The following SHCBP1L variants were observed in gnomAD, a reference collection of about 807,000 sequenced individuals.
SHCBP1L encodes the protein SHC binding and spindle associated 1 like, also known as testicular spindle-associated protein SHCBP1L.
Under a neutral mutation model 62.5 loss-of-function variants are expected in SHCBP1L, and 67 were observed. That is an observed-to-expected ratio of 1.07 (90% confidence interval 0.88 to 1.31). The LOEUF (loss-of-function observed/expected upper bound fraction) is 1.31, where lower values mean the gene tolerates loss of function less well. SHCBP1L is among the 40% of genes most tolerant of loss of function. The pLI is 0.00. For missense variants in SHCBP1L, 823 were observed against 809.8 expected (o/e 1.02, Z -0.20); for synonymous variants, 284 against 289.4 (o/e 0.98, Z 0.19).
intron 6 of SHCBP1L, among the ~76,000 whole-genome samples, chr1:182,910,973 T>G (rs565069797): frequency 6.6e-6 from 1 of 152,188 alleles, no homozygotes; most frequent in South Asian, 2.1e-4. Flanking sequence ...CACTGCAGCC[T>G]CTTCCTCCCG....
Position 182,903,108 on chromosome 1 carries a change from T to G in SHCBP1L, c.1641A>C (p.Glu547Asp), listed in dbSNP as rs1346911153. ...TTCTGAGGTTATTACAGTGATGAAT[T>G]TCATTTCTTTCCAAAATAGCTATGC... ...PGSIAILERN[E>D]IHHCNNLRTS... is the part of the protein sequence containing the mutation. The change falls in exon 9 of 10, where the codon GAA becomes GAC. Residue 547 changes from glutamate to aspartate, a missense_variant. Physicochemically the swap from Glu to Asp is conservative, Grantham distance 45. Transcript: ENST00000367547. 6.2e-7 allele frequency: 1 copy of G among 1,602,278 alleles called. No homozygotes were observed. The highest frequency in any genetic ancestry group is 8.5e-7 in the Non-Finnish European group (1 of 1,173,914).
At chr1:182,949,693 T>C (rs532599061) in intron 2 of SHCBP1L, among the ~76,000 whole-genome samples, 54 of 151,008 alleles carry the variant, frequency 3.6e-4, no homozygotes, top group African/African-American at 1.3e-3. Context: ...TTAGACCTTA[T>C]CTTGAAAAAA....
chr1:182,953,072 C>T lies in SHCBP1L; in HGVS notation c.62G>A (p.Arg21Lys), dbSNP rs1171267417. The T allele has an allele frequency of 5.8e-6, 9 of 1,553,386 alleles. No homozygotes were observed. The highest frequency in any genetic ancestry group is 3.5e-5 in the South Asian group (3 of 85,294). The part of the protein sequence containing the change: ...ADSFRTISPD[R>K]RGEKSASAVS... ...AGCGGAGGCGGACTTCTCGCCTCGC[C>T]TGTCCGGGCTGATGGTGCGGAATGA... Residue 21 changes from arginine (R) to lysine (K), a missense_variant, in exon 1 of 10, where the codon AGG becomes AAG. By Grantham distance (26) the Arg-to-Lys change is conservative. Coordinates refer to ENST00000367547, the MANE Select transcript of SHCBP1L (RefSeq NM_030933.4).
intron 5 of SHCBP1L, among the ~76,000 whole-genome samples, chr1:182,932,141 GTCTGGGTGTCCCAA>G (rs1651025737): frequency 7.7e-6 from 1 of 129,588 alleles, no homozygotes; most frequent in African/African-American, 4.3e-5. Flanking sequence ...AACATTCCTT[GTCTGGGTGTCCCAA>G]CATTCCTTGT....
In SHCBP1L at chr1:182,952,816, C is replaced by G. The variant is rs1470778422; in HGVS notation, c.318G>C (p.Leu106=). The G allele has an allele frequency of 1.2e-6, 2 of 1,612,458 alleles. No individual in the cohort carries two copies. Among genetic ancestry groups the G allele is most frequent in the Admixed American group, 1.7e-5 (1 of 59,920 alleles). Residue 106 remains leucine, a synonymous_variant, in exon 1 of 10, where the codon CTG becomes CTC. Transcript: ENST00000367547. The part of the protein sequence containing the change: ...VPEDEEEAQP[L]PPVCVSRMRG... ...TCATACGGGACACGCAGACTGGGGG[C>G]AGGGGCTGCGCCTCCTCTTCATCCT...
At position 182,940,368 on chromosome 1, in the gene SHCBP1L, G is replaced by C; in HGVS notation, c.731C>G (p.Thr244Ser). ...GGCCAAAGCAATAACATGTATATCA[G>C]TATCTTGTCCCTCAACAGGATACAC... ...LEVYPVEGQDTDIHVIALALE... is the reference protein window; with the variant it reads ...LEVYPVEGQDSDIHVIALALE... Residue 244 changes from threonine to serine, a missense_variant, in exon 3 of 10, where the codon ACT (threonine) becomes AGT (serine). Thr to Ser is a moderately conservative substitution (Grantham distance 58). Transcript: ENST00000367547. 6.2e-7 allele frequency: 1 copy of C among 1,613,916 alleles called. No homozygotes were observed. The highest frequency in any genetic ancestry group is 8.5e-7 in the Non-Finnish European group (1 of 1,179,924).
At chr1:182,931,943 A>ATTTTTTTTTTTTTTTTTT (rs1164377476) in intron 5 of SHCBP1L, among the ~76,000 whole-genome samples, 1 of 69,656 alleles carries the variant, frequency 1.4e-5, no homozygotes, top group Non-Finnish European at 2.6e-5. Flanking sequence ...GGAACCACTG[A>ATTTTTTTTTTTTTTTTTT]TTTTTTTTTT....
intron 6 of SHCBP1L, among the ~76,000 whole-genome samples, chr1:182,922,116 T>A (rs1345047356): frequency 6.6e-6 from 1 of 152,188 alleles, no homozygotes; most frequent in Non-Finnish European, 1.5e-5. Flanking sequence ...TAAATATATA[T>A]AATCCCAATG....
In SHCBP1L at chr1:182,929,711, T is replaced by C. The variant is rs1306385901; in HGVS notation, c.1118A>G (p.Lys373Arg). Residue 373 changes from lysine to arginine, a missense_variant, in exon 6 of 10, where the codon AAA becomes AGA. Transcript: ENST00000367547. The part of the protein sequence containing the change: ...PFFPRILRRR[K>R]GKREFGKTIT... The stretch of plus-strand genomic sequence containing the variant: ...AGTCTTTCCAAATTCTCTTTTTCCT[T>C]TCCTACGCCTCAGAATTCTTGGAAA... The C allele has an allele frequency of 6.3e-7, 1 of 1,594,894 alleles. No homozygotes were observed. Among genetic ancestry groups the C allele is most frequent in the Admixed American group, 1.9e-5 (1 of 53,722 alleles).
rs1276806687 is a variant in SHCBP1L at position 182,914,405 on chromosome 1, A to G, written c.1183-8756T>C. Among the ~76,000 whole-genome samples, 4 of 152,322 alleles carry G rather than the reference A, an allele frequency of 2.6e-5. No individual in the cohort carries two copies. In the South Asian group the frequency reaches 8.3e-4, roughly 32 times the overall value. On this transcript the variant is annotated intron_variant, in intron 6 of 9. Coordinates refer to ENST00000367547, the MANE Select transcript of SHCBP1L (RefSeq NM_030933.4). ...TTTGTGACTCCTTTTTTTGTTTCCTATATAATTTAAGATACCGATGCCTAA... is the reference window on the plus strand; with the variant it reads ...TTTGTGACTCCTTTTTTTGTTTCCTGTATAATTTAAGATACCGATGCCTAA...
intron 3 of SHCBP1L, among the ~76,000 whole-genome samples, chr1:182,939,906 G>A (rs998566601): frequency 6.6e-6 from 1 of 152,010 alleles, no homozygotes; most frequent in South Asian, 2.1e-4. Context: ...TCTGTATTTT[G>A]TTTGTGGATA....
chr1:182,931,943 A>ATTTTTTTTTTTTTTTTTTT (rs1164377476), intron 5 of SHCBP1L, among the ~76,000 whole-genome samples: 9 of 69,678 alleles, frequency 1.3e-4, no homozygotes, highest in African/African-American at 5.0e-4. Flanking sequence ...GGAACCACTG[A>ATTTTTTTTTTTTTTTTTTT]TTTTTTTTTT....
At position 182,944,991 on chromosome 1, in the gene SHCBP1L, T is replaced by A. The variant is rs560391772; in HGVS notation, c.556-4448A>T. On this transcript the variant is annotated intron_variant, in intron 2 of 9. Coordinates refer to ENST00000367547, the MANE Select transcript of SHCBP1L (RefSeq NM_030933.4). The stretch of plus-strand genomic sequence containing the variant: ...TTTTTTTTTTTTTGAGACGGAGCCT[T>A]TCTTTGTCACCCAGGCTAGAGTGCA... 1.3e-3 allele frequency among the ~76,000 whole-genome samples: 194 copies of A among 148,080 alleles called. 1 individual carries two copies. Among genetic ancestry groups the A allele is most frequent in the African/African-American group, 4.9e-3 (191 of 39,000 alleles).
intron 2 of SHCBP1L, among the ~76,000 whole-genome samples, chr1:182,945,464 T>C (rs1238985370): frequency 6.6e-6 from 1 of 152,202 alleles, no homozygotes; most frequent in Non-Finnish European, 1.5e-5. Context: ...TACATAGCTG[T>C]TATCACTTTG....
At chr1:182,922,740 A>G (rs1351561973) in intron 6 of SHCBP1L, among the ~76,000 whole-genome samples, 1 of 152,220 alleles carries the variant, frequency 6.6e-6, no homozygotes, top group Non-Finnish European at 1.5e-5. Flanking sequence ...AAACTCTGAG[A>G]CACAGCTAAA....
chr1:182,927,222 T>C (rs1177533277), intron 6 of SHCBP1L, among the ~76,000 whole-genome samples: 3 of 151,314 alleles, frequency 2.0e-5, no homozygotes, highest in African/African-American at 7.3e-5. Flanking sequence ...TATTTGAACA[T>C]TGGGTATCTA....
Position 182,939,163 on chromosome 1 carries a change from A to T in SHCBP1L, c.1076+13T>A, listed in dbSNP as rs12064842. The T allele has an allele frequency of 0.015, 24,267 of 1,594,616 alleles. 773 individuals carry two copies. The highest frequency in any genetic ancestry group is 0.11 in the African/African-American group (8,465 of 74,148). On this transcript the variant is annotated intron_variant, in intron 5 of 9. Coordinates refer to ENST00000367547, the MANE Select transcript of SHCBP1L (RefSeq NM_030933.4). ...AAACTTTTGCTTCTATTTGAAATAGAGCAAATTATTACCGGAGGCGTAAAT... is the reference window on the plus strand; with the variant it reads ...AAACTTTTGCTTCTATTTGAAATAGTGCAAATTATTACCGGAGGCGTAAAT...
At chr1:182,915,561 T>C (rs1557993065) in intron 6 of SHCBP1L, among the ~76,000 whole-genome samples, 1 of 152,144 alleles carries the variant, frequency 6.6e-6, no homozygotes, top group Non-Finnish European at 1.5e-5. Context: ...AATAGAGGAC[T>C]TGAACAACAG....
rs577127178 is a variant in SHCBP1L at position 182,910,305 on chromosome 1, C to G, written c.1183-4656G>C. ...TTTTGCTTACCCACCTACCATCCCC[C>G]AATCCCCTGCTCTGCAGCAGCAATG... On this transcript the variant is annotated intron_variant, in intron 6 of 9. Transcript: ENST00000367547. Among the ~76,000 whole-genome samples the G allele has an allele frequency of 4.6e-5, 7 of 152,338 alleles. No homozygotes were observed. In the South Asian group the frequency reaches 1.5e-3, roughly 32 times the overall value.
Sources: allele counts gnomAD v4.1 joint callset (sites outside exome capture counted in the v4.1 genomes callset), GRCh38; gene constraint gnomAD v4.1.1; transcripts MANE v1.5; gene names NCBI Gene and HGNC (gene_info 2026-07-23, HGNC 2026-07-21).